The following DSCAM variants were observed in gnomAD, a reference collection of about 807,000 sequenced individuals.
DSCAM encodes the protein DS cell adhesion molecule.
In DSCAM, 47 loss-of-function variants were observed where a neutral mutation model predicts 217.7. That is an observed-to-expected ratio of 0.22 (90% CI 0.17 to 0.28). The LOEUF (loss-of-function observed/expected upper bound fraction) is 0.28. Ranked by LOEUF, DSCAM falls within the 10% of genes least tolerant of loss-of-function variation. The probability of loss-of-function intolerance (pLI) is 1.00; values close to 1 mark genes in which losing one functional copy is unlikely to be tolerated. For synonymous variants in DSCAM, 1,056 were observed against 1,015.3 expected, an observed-to-expected ratio of 1.04 and a Z score of -0.76; for missense variants, 2,080 against 2,618.3, an observed-to-expected ratio of 0.79 and a Z score of 4.49.
At chr21:40,393,105 C>CTGG in intron 3 of DSCAM, among the ~76,000 whole-genome samples, 1 of 152,162 alleles carries the variant, frequency 6.6e-6, no homozygotes, top group Admixed American at 6.5e-5. Flanking sequence ...AAATTGAGAC[C>CTGG]ACAAAGTCTT....
chr21:40,115,969 A>G (rs1196127335), intron 20 of DSCAM, among the ~76,000 whole-genome samples: 2 of 152,280 alleles, frequency 1.3e-5, no homozygotes, highest in African/African-American at 4.8e-5. Flanking sequence ...AATACTATGC[A>G]GCCATGAAAA....
At chr21:40,272,075 AT>A (rs35320680) in intron 11 of DSCAM, among the ~76,000 whole-genome samples, 18,772 of 144,620 alleles carry the variant, frequency 0.13, 1,162 homozygotes, top group Middle Eastern at 0.18. Flanking sequence ...TGACAGAGCT[AT>A]TTTTTTTTTT....
At chr21:40,446,408 A>G (rs2075675141) in intron 3 of DSCAM, among the ~76,000 whole-genome samples, 1 of 152,168 alleles carries the variant, frequency 6.6e-6, no homozygotes, top group Admixed American at 6.5e-5. Flanking sequence ...ATGTCAGCCC[A>G]TCTTGGATGT....
chr21:40,266,635 T>TTATATATATATA (rs71186923), intron 11 of DSCAM, among the ~76,000 whole-genome samples: 948 of 62,438 alleles, frequency 0.015, 20 homozygotes, highest in African/African-American at 0.02. Flanking sequence ...CAAAGATGTT[T>TTATATATATATA]TATATATATA....
chr21:40,791,661 A>G (rs756226038), intron 1 of DSCAM, among the ~76,000 whole-genome samples: 18 of 152,212 alleles, frequency 1.2e-4, no homozygotes, highest in Non-Finnish European at 2.6e-4. Context: ...TCAAAAAAAC[A>G]AAAAGAATAA....
chr21:40,694,415 A>T (rs2090573997), intron 2 of DSCAM, among the ~76,000 whole-genome samples: 1 of 152,216 alleles, frequency 6.6e-6, no homozygotes, highest in South Asian at 2.1e-4. Context: ...TGAATTTCTC[A>T]AGGGAAATCT....
chr21:40,340,075 C>T (rs1306695450), intron 6 of DSCAM, among the ~76,000 whole-genome samples: 2 of 151,960 alleles, frequency 1.3e-5, no homozygotes, highest in African/African-American at 4.8e-5. Flanking sequence ...TATTAAATGC[C>T]GTGTATTAAA....
Position 40,180,225 on chromosome 21 carries a change from T to A in DSCAM, c.2780-1131A>T, listed in dbSNP as rs535478753. Among the ~76,000 whole-genome samples, 11 of 152,296 alleles carry A rather than the reference T, an allele frequency of 7.2e-5. 1 individual carries two copies. In the South Asian group the frequency reaches 2.3e-3, roughly 32 times the overall value. On this transcript the variant is annotated intron_variant, in intron 14 of 32. Transcript: ENST00000400454. ...AGTCTTGGGAATGGGGCCAATCACT[T>A]TGTCACACTAAGGGTGAGTATGGCA...
At chr21:40,657,425 T>C (rs1237301737) in intron 3 of DSCAM, among the ~76,000 whole-genome samples, 4 of 152,134 alleles carry the variant, frequency 2.6e-5, no homozygotes, top group African/African-American at 9.7e-5. Flanking sequence ...CGACTCCTTT[T>C]AAAATGTAAA....
chr21:40,533,021 C>T (rs2076461825), intron 3 of DSCAM, among the ~76,000 whole-genome samples: 2 of 151,698 alleles, frequency 1.3e-5, no homozygotes, highest in South Asian at 2.1e-4. Context: ...CCTGGACAGA[C>T]GTGGGTTAAA....
At chr21:40,603,502 A>G (rs541726310) in intron 3 of DSCAM, among the ~76,000 whole-genome samples, 1 of 152,106 alleles carries the variant, frequency 6.6e-6, no homozygotes, top group Non-Finnish European at 1.5e-5. Flanking sequence ...ATTCCTACGA[A>G]GCTCCTCCTT....
chr21:40,300,010 C>T (rs898899443), intron 9 of DSCAM, among the ~76,000 whole-genome samples: 5 of 152,044 alleles, frequency 3.3e-5, no homozygotes, highest in African/African-American at 1.2e-4. Context: ...TGACCCCTCC[C>T]AGAATTGCCC....
chr21:40,694,926 A>C (rs1308884465), intron 2 of DSCAM, among the ~76,000 whole-genome samples: 2 of 152,218 alleles, frequency 1.3e-5, no homozygotes, highest in African/African-American at 4.8e-5. Context: ...GGTGAGAAGC[A>C]GAAGACAGAG....
In DSCAM at chr21:40,033,124, T is replaced by G. The variant is rs188877243; in HGVS notation, c.5686+9247A>C. ...ACCTCAGAGTATAAGAAGGGCTCTT[T>G]TAGGCTTCAAGGTGCCTTTAGAAAG... On this transcript the variant is annotated intron_variant, in intron 32 of 32. Transcript: ENST00000400454. Among the ~76,000 whole-genome samples the G allele has an allele frequency of 4.6e-3, 698 of 152,326 alleles. 8 individuals are homozygous for G. The highest frequency in any genetic ancestry group is 0.021 in the Admixed American group (328 of 15,292).
At chr21:40,571,708 G>C (rs998006595) in intron 3 of DSCAM, among the ~76,000 whole-genome samples, 1 of 152,116 alleles carries the variant, frequency 6.6e-6, no homozygotes, top group African/African-American at 2.4e-5. Flanking sequence ...AATATATTAA[G>C]CACATATTAA....
At chr21:40,272,018 A>G (rs1320322901) in intron 11 of DSCAM, among the ~76,000 whole-genome samples, 1 of 152,120 alleles carries the variant, frequency 6.6e-6, no homozygotes, top group Non-Finnish European at 1.5e-5. Flanking sequence ...ACTTTGGCAA[A>G]TAAATATCCT....
At position 40,167,572 on chromosome 21, in the gene DSCAM, G is replaced by C. The variant is rs11909975; in HGVS notation, c.2948-284C>G. Among the ~76,000 whole-genome samples the C allele has an allele frequency of 7.9e-3, 1,195 of 152,202 alleles. 16 individuals carry two copies. Among genetic ancestry groups the C allele is most frequent in the African/African-American group, 0.028 (1,153 of 41,540 alleles). On this transcript the variant is annotated intron_variant, in intron 15 of 32. Transcript: ENST00000400454. ...TGAATCAATCCCAATTTTGAACAAGGGGTACAACAGAAAGTTGCAAAACAA... is the reference window on the plus strand; with the variant it reads ...TGAATCAATCCCAATTTTGAACAAGCGGTACAACAGAAAGTTGCAAAACAA...
chr21:40,592,071 T>A (rs981050156), intron 3 of DSCAM, among the ~76,000 whole-genome samples: 8 of 152,164 alleles, frequency 5.3e-5, no homozygotes, highest in African/African-American at 7.2e-5. Flanking sequence ...AATTGCTAAA[T>A]GTGTCACATT....
intron 3 of DSCAM, among the ~76,000 whole-genome samples, chr21:40,606,782 A>T (rs897019443): frequency 6.6e-6 from 1 of 152,156 alleles, no homozygotes; most frequent in African/African-American, 2.4e-5. Flanking sequence ...TCATCACCCA[A>T]AACTTATCTT....
Sources: gnomAD v4.1 joint callset for allele counts (sites outside exome capture counted in the v4.1 genomes callset) on GRCh38, gnomAD v4.1.1 for gene constraint, MANE v1.5 for transcripts, NCBI Gene and HGNC (gene_info 2026-07-23, HGNC 2026-07-21) for gene names.